Variants in TDRD7 observed in about 807,000 individuals in gnomAD.
TDRD7 encodes tudor domain-containing protein 7.
TDRD7 carries 47 observed loss-of-function variants against 109.8 expected under a neutral mutation model. The observed-to-expected ratio is 0.43, with a 90% confidence interval of 0.34 to 0.55. TDRD7 has a LOEUF of 0.55. TDRD7 is among the 20% of genes least tolerant of loss of function. The pLI is 0.03. For synonymous variants in TDRD7, 424 were observed against 457.3 expected, an observed-to-expected ratio of 0.93 and a Z score of 0.93; for missense variants, 1,164 against 1,319.2, an observed-to-expected ratio of 0.88 and a Z score of 1.82.
intron 7 of TDRD7, among the ~76,000 whole-genome samples, chr9:97,464,191 C>G (rs1828781502): frequency 6.6e-6 from 1 of 152,320 alleles, no homozygotes; most frequent in South Asian, 2.1e-4. Context: ...GTCTCCTCCT[C>G]TCTCCCCTTC....
At chr9:97,493,333 C>T (rs577005137) in intron 16 of TDRD7, among the ~76,000 whole-genome samples, 17 of 152,010 alleles carry the variant, frequency 1.1e-4, no homozygotes, top group South Asian at 1.0e-3. Context: ...GCTGGGTGTC[C>T]GGGGGAGACA....
At chr9:97,451,273 A>C (rs562719535) in intron 6 of TDRD7, among the ~76,000 whole-genome samples, 1 of 151,952 alleles carries the variant, frequency 6.6e-6, no homozygotes, top group Non-Finnish European at 1.5e-5. Context: ...ATTTATACAT[A>C]TATCTGCCAT....
chr9:97,471,781 C>T (rs906890903), intron 9 of TDRD7, among the ~76,000 whole-genome samples: 2 of 152,120 alleles, frequency 1.3e-5, no homozygotes, highest in Non-Finnish European at 2.9e-5. Flanking sequence ...GTGTTAAACA[C>T]TACTTAATCT....
At chr9:97,456,347 A>G (rs1828609217) in intron 6 of TDRD7, among the ~76,000 whole-genome samples, 1 of 152,242 alleles carries the variant, frequency 6.6e-6, no homozygotes, top group South Asian at 2.1e-4. Context: ...ATGGAATCAA[A>G]GAAGACCCCT....
intron 12 of TDRD7, among the ~76,000 whole-genome samples, chr9:97,477,746 GAC>G (rs879551929): frequency 2.0e-5 from 3 of 151,806 alleles, no homozygotes; most frequent in Non-Finnish European, 4.4e-5. Context: ...TTATTGTTTT[GAC>G]CCCAAAACAA....
intron 2 of TDRD7, among the ~76,000 whole-genome samples, chr9:97,430,140 C>T (rs1286853046): frequency 6.6e-6 from 1 of 152,178 alleles, no homozygotes; most frequent in Non-Finnish European, 1.5e-5. Context: ...CTACACAGGT[C>T]TGTAGAGAGC....
At chr9:97,450,470 G>A (rs1195122558) in intron 6 of TDRD7, among the ~76,000 whole-genome samples, 1 of 152,130 alleles carries the variant, frequency 6.6e-6, no homozygotes, top group Non-Finnish European at 1.5e-5. Context: ...TCACACTAAG[G>A]AAATAATAAA....
intron 10 of TDRD7, among the ~76,000 whole-genome samples, chr9:97,473,150 C>G (rs181316750): frequency 6.6e-6 from 1 of 152,176 alleles, no homozygotes; most frequent in Non-Finnish European, 1.5e-5. Flanking sequence ...GTTAATGTTA[C>G]AAAACATGGT....
rs866475054 is a variant in TDRD7, at chr9:97,470,627, T to C, written c.1699T>C (p.Phe567Leu). The C allele has an allele frequency of 1.9e-6, 3 of 1,613,866 alleles. No homozygotes were observed. Among genetic ancestry groups the C allele is most frequent in the Admixed American group, 1.7e-5 (1 of 59,976 alleles). ...CAAAGCATACAAATTAAACCCGAAG[T>C]TTTGTTCACTCTCATTTCAAGCTAC... is the stretch of plus-strand genomic sequence containing the variant. Reference protein sequence around the residue: ...KSKAYKLNPKFCSLSFQATKC... With the variant: ...KSKAYKLNPKLCSLSFQATKC... The change falls in exon 9 of 17, where the codon TTT (phenylalanine) becomes CTT (leucine). Residue 567 changes from phenylalanine (F) to leucine (L), a missense_variant. Transcript: ENST00000355295.
At chr9:97,433,632 A>G (rs1011656475) in intron 4 of TDRD7, among the ~76,000 whole-genome samples, 2 of 152,150 alleles carry the variant, frequency 1.3e-5, no homozygotes, top group African/African-American at 4.8e-5. Context: ...ATAAGGGCTT[A>G]ATATTCAAAA....
chr9:97,473,359 C>A, intron 10 of TDRD7, 133 bp from the exon 11 acceptor site: 1 of 1,213,184 alleles, frequency 8.2e-7, no homozygotes, highest in East Asian at 2.4e-5. Context: ...TGCATTTCAT[C>A]TTACATATAC....
chr9:97,477,175 GTCTCATTGGCCTTTTACCT>G (rs2131170449), intron 12 of TDRD7, among the ~76,000 whole-genome samples: 1 of 152,176 alleles, frequency 6.6e-6, no homozygotes, highest in African/African-American at 2.4e-5. Flanking sequence ...GCACAAAGAG[GTCTCATTGGCCTTTTACCT>G]TCTCAAATGT....
At chr9:97,449,172 GT>G (rs745652640) in intron 6 of TDRD7, among the ~76,000 whole-genome samples, 61 of 152,290 alleles carry the variant, frequency 4.0e-4, no homozygotes, top group Non-Finnish European at 7.1e-4. Flanking sequence ...CTCAAACTAT[GT>G]TTTTCCTCTG....
intron 13 of TDRD7, chr9:97,480,502 A>G (rs897729455): frequency 1.8e-5 from 6 of 332,506 alleles, no homozygotes; most frequent in Non-Finnish European, 3.5e-5. Flanking sequence ...CAACTTTGGT[A>G]TCTTATACAG....
chr9:97,451,370 GCC>G (rs1828488860), intron 6 of TDRD7, among the ~76,000 whole-genome samples: 1 of 152,140 alleles, frequency 6.6e-6, no homozygotes, highest in Non-Finnish European at 1.5e-5. Flanking sequence ...ACTCACTGCA[GCC>G]TGGACATCCT....
In TDRD7 at chr9:97,430,925, A is replaced by C. The variant is rs1327935899; in HGVS notation, c.208-8A>C. The C allele has an allele frequency of 1.2e-6, 2 of 1,613,734 alleles. No homozygotes were observed. Among genetic ancestry groups the C allele is most frequent in the Non-Finnish European group, 1.7e-6 (2 of 1,179,740 alleles). On this transcript the variant is annotated splice_polypyrimidine_tract_variant and splice_region_variant and intron_variant, in intron 2 of 16. Coordinates refer to ENST00000355295, the MANE Select transcript of TDRD7 (RefSeq NM_014290.3). ...TGTTTCTCCTCTTACCCTGCCTCTA[A>C]TGAATAGATTACCTGCTATGCCATG...
At chr9:97,493,909 C>A (rs1829347275) in intron 16 of TDRD7, among the ~76,000 whole-genome samples, 2 of 152,214 alleles carry the variant, frequency 1.3e-5, no homozygotes, top group Non-Finnish European at 2.9e-5. Context: ...TCTCTTGTTC[C>A]CTGAACATTG....
intron 2 of TDRD7, among the ~76,000 whole-genome samples, chr9:97,429,533 G>A (rs1304161897): frequency 6.6e-6 from 1 of 152,204 alleles, no homozygotes; most frequent in Non-Finnish European, 1.5e-5. Flanking sequence ...AGTGGTGGAG[G>A]AGGACAAGGG....
chr9:97,453,401 G>A (rs1444219276), intron 6 of TDRD7, among the ~76,000 whole-genome samples: 1 of 152,132 alleles, frequency 6.6e-6, no homozygotes, highest in African/African-American at 2.4e-5. Context: ...CTGACTAGAA[G>A]CAGCAGCTTT....
Sources: gnomAD v4.1 joint callset for allele counts (sites outside exome capture counted in the v4.1 genomes callset) on GRCh38, gnomAD v4.1.1 for gene constraint, MANE v1.5 for transcripts, NCBI Gene and HGNC (gene_info 2026-07-23, HGNC 2026-07-21) for gene names.